LIN54: variants seen among roughly 807,000 people sequenced by gnomAD.
LIN54 encodes lin-54 DREAM MuvB core complex component, also known as protein lin-54 homolog.
A neutral mutation model predicts 78.7 loss-of-function variants in LIN54; 9 were observed. The observed-to-expected ratio is 0.11, with a 90% CI of 0.07 to 0.20. The LOEUF (loss-of-function observed/expected upper bound fraction) is 0.20, where lower values mean the gene tolerates loss of function less well. Ranked by LOEUF, LIN54 falls within the 10% of genes least tolerant of loss-of-function variation. LIN54 has a pLI of 1.00. For synonymous variants in LIN54, 269 were observed against 318.4 expected (o/e 0.84, Z 1.65); for missense variants, 573 against 889.9 (o/e 0.64, Z 4.53).
chr4:82,932,752 G>A (rs1037146983), intron 11 of LIN54, among the ~76,000 whole-genome samples: 6 of 151,994 alleles, frequency 3.9e-5, no homozygotes, highest in Non-Finnish European at 8.8e-5. Context: ...TTGAACCCGG[G>A]AGGCGGAGGT....
intron 4 of LIN54, among the ~76,000 whole-genome samples, chr4:82,948,431 G>GTATA (rs1306101778): frequency 4.6e-5 from 7 of 152,118 alleles, no homozygotes; most frequent in Admixed American, 1.3e-4. Flanking sequence ...ATTTGATTGT[G>GTATA]TATATTTAAG....
At chr4:82,970,515 G>A (rs372348967) in intron 3 of LIN54, 46 bp from the exon 4 acceptor site, 6 of 1,552,686 alleles carry the variant, frequency 3.9e-6, no homozygotes, top group Non-Finnish European at 5.2e-6. Context: ...TTCAATAATA[G>A]TATAAAAATT....
chr4:82,999,152 C>T (rs1331839919), intron 1 of LIN54, among the ~76,000 whole-genome samples: 1 of 152,104 alleles, frequency 6.6e-6, no homozygotes, highest in East Asian at 1.9e-4. Context: ...GGTGATCTCC[C>T]ATATTTTTCA....
At chr4:82,976,995 G>A (rs372225805) in intron 3 of LIN54, among the ~76,000 whole-genome samples, 22 of 152,146 alleles carry the variant, frequency 1.4e-4, no homozygotes, top group Admixed American at 9.2e-4. Flanking sequence ...AGTTACAATC[G>A]GTCTGCAACA....
At chr4:82,975,708 C>T (rs112449802) in intron 3 of LIN54, among the ~76,000 whole-genome samples, 25 of 149,750 alleles carry the variant, frequency 1.7e-4, no homozygotes, top group African/African-American at 5.9e-4. Flanking sequence ...GCGAAAACTC[C>T]ATCTAAAAAA....
chr4:82,958,348 GT>G (rs1161063273), intron 4 of LIN54, among the ~76,000 whole-genome samples: 1 of 152,142 alleles, frequency 6.6e-6, no homozygotes, highest in Non-Finnish European at 1.5e-5. Flanking sequence ...CTCCCTTACA[GT>G]AAGGAGGGCC....
At chr4:82,937,477 A>C (rs1722482663) in intron 8 of LIN54, among the ~76,000 whole-genome samples, 179 bp from the exon 9 acceptor site, 1 of 152,250 alleles carries the variant, frequency 6.6e-6, no homozygotes, top group African/African-American at 2.4e-5. Flanking sequence ...AAATGTGTCC[A>C]TCTAAAATAA....
chr4:82,998,005 A>AAATAATAATATATAT, intron 1 of LIN54, among the ~76,000 whole-genome samples: 1 of 8,734 alleles, frequency 1.1e-4, no homozygotes, highest in South Asian at 2.0e-3. Flanking sequence ...AAAAAAAAAA[A>AAATAATAATATATAT]ATAATAATAT....
chr4:82,951,012 T>C (rs2126049915), intron 4 of LIN54, among the ~76,000 whole-genome samples: 1 of 152,298 alleles, frequency 6.6e-6, no homozygotes, highest in South Asian at 2.1e-4. Flanking sequence ...TAAATACGTA[T>C]TAATATAGTT....
intron 1 of LIN54, among the ~76,000 whole-genome samples, chr4:82,986,849 T>A: frequency 6.6e-6 from 1 of 152,220 alleles, no homozygotes; most frequent in Admixed American, 6.5e-5. Flanking sequence ...TGACGTAATT[T>A]AATTTATCCT....
At chr4:82,993,586 A>T (rs1022137745) in intron 1 of LIN54, among the ~76,000 whole-genome samples, 11 of 151,474 alleles carry the variant, frequency 7.3e-5, no homozygotes, top group African/African-American at 2.7e-4. Context: ...GTCTTTATAT[A>T]TTGCTTCCTA....
At chr4:83,010,930 AGGGCC>A (rs1334079512), upstream of LIN54, 28 of 893,664 alleles carry the variant, frequency 3.1e-5, no homozygotes, top group Middle Eastern at 4.1e-4. Context: ...CAAACGCACA[AGGGCC>A]GTGCAAGTGC....
chr4:82,995,209 A>G (rs1473718323), intron 1 of LIN54, among the ~76,000 whole-genome samples: 2 of 151,940 alleles, frequency 1.3e-5, no homozygotes, highest in Non-Finnish European at 2.9e-5. Context: ...CTGAGACAGG[A>G]GGAAAGTGTA....
At chr4:82,946,927 T>C (rs576062851) in intron 4 of LIN54, among the ~76,000 whole-genome samples, 62 of 152,188 alleles carry the variant, frequency 4.1e-4, no homozygotes, top group African/African-American at 1.4e-3. Flanking sequence ...GTATGTTTTG[T>C]ATTTTTAGTA....
chr4:82,985,896 C>G (rs1377829905), intron 1 of LIN54, among the ~76,000 whole-genome samples: 2 of 151,960 alleles, frequency 1.3e-5, no homozygotes, highest in African/African-American at 2.4e-5. Flanking sequence ...ACAGCCAATC[C>G]CCATGAAGAA....
intron 1 of LIN54, among the ~76,000 whole-genome samples, chr4:83,006,922 C>A (rs1384664762): frequency 6.6e-6 from 1 of 152,178 alleles, no homozygotes; most frequent in Admixed American, 6.6e-5. Flanking sequence ...GGTGGATAAC[C>A]TGAGGTCAGG....
intron 8 of LIN54, 57 bp from the exon 9 acceptor site, chr4:82,937,355 T>A: frequency 1.9e-6 from 2 of 1,078,542 alleles, no homozygotes; most frequent in Non-Finnish European, 2.7e-6. Context: ...CTAAAATTAA[T>A]TTAGTTGCTA....
intron 8 of LIN54, among the ~76,000 whole-genome samples, chr4:82,938,173 C>G (rs1309051797): frequency 6.6e-6 from 1 of 152,066 alleles, no homozygotes; most frequent in Non-Finnish European, 1.5e-5. Context: ...TGGAAACATA[C>G]TCAGAATGAA....
intron 5 of LIN54, among the ~76,000 whole-genome samples, chr4:82,941,252 C>T (rs2126038804): frequency 1.3e-5 from 2 of 151,078 alleles, no homozygotes; most frequent in South Asian, 4.2e-4. Context: ...AATAGGCTGG[C>T]CGCATGGAGG....
Sources: gnomAD v4.1 joint callset for allele counts (sites outside exome capture counted in the v4.1 genomes callset) on GRCh38, gnomAD v4.1.1 for gene constraint, MANE v1.5 for transcripts, NCBI Gene and HGNC (gene_info 2026-07-23, HGNC 2026-07-21) for gene names.